CHRM3: variants seen among roughly 807,000 people sequenced by gnomAD.
The protein encoded by CHRM3 is muscarinic acetylcholine receptor M3.
A neutral mutation model predicts 41.8 loss-of-function variants in CHRM3; 11 were observed. That is an observed-to-expected ratio of 0.26 (90% CI 0.17 to 0.44). CHRM3 has a LOEUF of 0.44. Ranked by LOEUF, CHRM3 falls within the 20% of genes least tolerant of loss-of-function variation. CHRM3 has a pLI of 1.00. For synonymous variants in CHRM3, 297 were observed against 301.4 expected (o/e 0.99, Z 0.15); for missense variants, 571 against 745.4 (o/e 0.77, Z 2.72).
At chr1:239,862,206 G>A (rs12058000) in intron 6 of CHRM3, among the ~76,000 whole-genome samples, 2,563 of 152,220 alleles carry the variant, frequency 0.017, 71 homozygotes, top group African/African-American at 0.058. Context: ...AGTTTACTAC[G>A]TTTCTCAATG....
intron 3 of CHRM3, among the ~76,000 whole-genome samples, chr1:239,554,905 T>C (rs987542661): frequency 1.3e-5 from 2 of 152,010 alleles, no homozygotes; most frequent in Non-Finnish European, 1.5e-5. Context: ...AATTTTTGTA[T>C]TTTTATTAGA....
chr1:239,747,457 A>G (rs1044446682), intron 5 of CHRM3, among the ~76,000 whole-genome samples: 1 of 152,204 alleles, frequency 6.6e-6, no homozygotes, highest in Non-Finnish European at 1.5e-5. Context: ...GGAGGTTTGC[A>G]TGTTGTAAAA....
chr1:239,850,489 T>A (rs1208830104), intron 6 of CHRM3, among the ~76,000 whole-genome samples: 4 of 152,154 alleles, frequency 2.6e-5, no homozygotes, highest in African/African-American at 9.7e-5. Flanking sequence ...GTCAAACCCG[T>A]GTCATTCAAA....
At chr1:239,759,157 G>GTT (rs1190071839) in intron 5 of CHRM3, among the ~76,000 whole-genome samples, 10 of 121,630 alleles carry the variant, frequency 8.2e-5, no homozygotes, top group South Asian at 2.8e-4. Flanking sequence ...AGCTTTATGG[G>GTT]TTTTTTTTTT....
At chr1:239,704,346 T>A (rs1045008234) in intron 5 of CHRM3, 2 of 152,032 alleles carry the variant, frequency 1.3e-5, no homozygotes, top group Non-Finnish European at 2.9e-5. Flanking sequence ...TTTATTTAAC[T>A]CATAAATTAG....
chr1:239,684,492 G>A (rs921937600), intron 5 of CHRM3, among the ~76,000 whole-genome samples: 4 of 151,740 alleles, frequency 2.6e-5, no homozygotes, highest in Admixed American at 1.3e-4. Context: ...TCAGGAGTTC[G>A]AGACCAGGCT....
chr1:239,610,036 CA>C (rs1174058169), intron 3 of CHRM3, among the ~76,000 whole-genome samples: 3 of 151,384 alleles, frequency 2.0e-5, no homozygotes, highest in Admixed American at 1.3e-4. Context: ...ACTAAAAATA[CA>C]AAAAAATTAG....
Position 239,404,446 on chromosome 1 carries a change from GAAAGAAAGAAAGAAAGAAAGAA to G in CHRM3, c.-521+17236_-521+17257del, listed in dbSNP as rs1558196047. 1.4e-3 allele frequency among the ~76,000 whole-genome samples: 186 copies of G among 136,122 alleles called. 8 individuals carry two copies. The highest frequency in any genetic ancestry group is 5.0e-3 in the East Asian group (23 of 4,616). The allele number at this position is 136,122 out of a possible 152,430, so 89.3% of individuals were successfully genotyped here. A position where few individuals can be genotyped will look rare whatever the true frequency, so the allele number is the denominator to read the frequency against. On this transcript the variant is annotated intron_variant, in intron 1 of 6. Transcript: ENST00000676153. ...AGAAAGAAAGAAAGAAAGAAAGAAA[GAAAGAAAGAAAGAAAGAAAGAA>G]AAAGAAAGAAAGAAAGGAACATTTA...
chr1:239,407,417 T>TATAGAGAGAGAG, intron 1 of CHRM3, among the ~76,000 whole-genome samples: 1 of 134,134 alleles, frequency 7.5e-6, no homozygotes, highest in Non-Finnish European at 1.7e-5. Flanking sequence ...TATATATATA[T>TATAGAGAGAGAG]AGAGAGAGAG....
chr1:239,406,051 C>T (rs955316545), intron 1 of CHRM3, among the ~76,000 whole-genome samples: 5 of 152,246 alleles, frequency 3.3e-5, no homozygotes, highest in South Asian at 4.2e-4. Flanking sequence ...GCCACCATGT[C>T]TGGCTAATTT....
intron 3 of CHRM3, among the ~76,000 whole-genome samples, chr1:239,551,768 T>C (rs1659856065): frequency 6.6e-6 from 1 of 152,144 alleles, no homozygotes; most frequent in African/African-American, 2.4e-5. Flanking sequence ...GCTAATGAGA[T>C]AGAGTTATAA....
intron 5 of CHRM3, among the ~76,000 whole-genome samples, chr1:239,711,153 G>GT (rs138024226): frequency 3.4e-3 from 510 of 152,182 alleles, no homozygotes; most frequent in African/African-American, 0.012. Flanking sequence ...CACATCCCTT[G>GT]TGTGTTGTTT....
chr1:239,741,297 C>T (rs946679418), intron 5 of CHRM3, among the ~76,000 whole-genome samples: 2 of 152,120 alleles, frequency 1.3e-5, no homozygotes, highest in East Asian at 1.9e-4. Context: ...CTTGGGAGAA[C>T]TTAGCAAAGC....
At chr1:239,539,809 G>T (rs1658580623) in intron 2 of CHRM3, among the ~76,000 whole-genome samples, 1 of 152,048 alleles carries the variant, frequency 6.6e-6, no homozygotes, top group Non-Finnish European at 1.5e-5. Flanking sequence ...TAGAGATGGG[G>T]TTTTGCCATG....
chr1:239,662,896 T>C (rs7414194), intron 4 of CHRM3, among the ~76,000 whole-genome samples: 213 of 20,666 alleles, frequency 0.01, 5 homozygotes, highest in East Asian at 0.033. Context: ...CCTCCTCCTC[T>C]TCTTCTTCTT....
chr1:239,453,060 A>G (rs1265064966), intron 1 of CHRM3, among the ~76,000 whole-genome samples: 1 of 152,178 alleles, frequency 6.6e-6, no homozygotes, highest in Non-Finnish European at 1.5e-5. Context: ...TCAGCCTCCC[A>G]AAGTGCTGGG....
chr1:239,765,093 C>T (rs896294909), intron 5 of CHRM3, among the ~76,000 whole-genome samples: 5 of 152,184 alleles, frequency 3.3e-5, no homozygotes, highest in Non-Finnish European at 7.3e-5. Context: ...TTAGTAATTC[C>T]TAATTTTAGA....
intron 6 of CHRM3, among the ~76,000 whole-genome samples, chr1:239,878,857 G>T (rs1677347943): frequency 6.6e-6 from 1 of 152,078 alleles, no homozygotes; most frequent in Non-Finnish European, 1.5e-5. Flanking sequence ...TGCCTAGATG[G>T]GACACCCCTA....
intron 6 of CHRM3, among the ~76,000 whole-genome samples, chr1:239,828,060 G>A (rs1014875643): frequency 6.6e-5 from 10 of 152,112 alleles, no homozygotes; most frequent in Non-Finnish European, 1.0e-4. Flanking sequence ...CTAGATACAA[G>A]GGAGGCAATG....
Sources: allele counts gnomAD v4.1 joint callset (sites outside exome capture counted in the v4.1 genomes callset), GRCh38; gene constraint gnomAD v4.1.1; transcripts MANE v1.5; gene names NCBI Gene and HGNC (gene_info 2026-07-23, HGNC 2026-07-21).